Variants in PARP9 observed in about 807,000 individuals in gnomAD.
PARP9 encodes the protein poly(ADP-ribose) polymerase family member 9.
Under a neutral mutation model 68.8 loss-of-function variants are expected in PARP9, and 48 were observed. The observed-to-expected ratio is 0.70, with a 90% confidence interval of 0.55 to 0.89. The LOEUF (loss-of-function observed/expected upper bound fraction) is 0.89, where lower values mean the gene tolerates loss of function less well. PARP9 is among the 40% of genes least tolerant of loss of function. PARP9 has a pLI of 0.00. For missense variants in PARP9, 806 were observed against 969.3 expected (o/e 0.83, Z 2.24); for synonymous variants, 309 against 333.8 (o/e 0.93, Z 0.81).
intron 2 of PARP9, among the ~76,000 whole-genome samples, chr3:122,559,056 A>AG (rs1294032408): frequency 2.0e-5 from 3 of 151,914 alleles, no homozygotes. Context: ...GATGAGGTTT[A>AG]GAGATCAACA....
chr3:122,540,479 G>A lies in PARP9; in HGVS notation c.1758C>T (p.Arg586=), dbSNP rs2078117498. 6.2e-7 allele frequency: 1 copy of A among 1,612,414 alleles called. No individual in the cohort carries two copies. The highest frequency in any genetic ancestry group is 8.5e-7 in the Non-Finnish European group (1 of 1,179,134). The part of the protein sequence containing the change: ...MARKKERGLW[R]SLGQWTIQQQ... ...TGATAGAAAGTTACTCACCTAACGA[G>A]CGCCAAAGGCCTCGCTCCTTTTTCC... is the stretch of plus-strand genomic sequence containing the variant. Residue 586 remains arginine (R), a synonymous_variant, in exon 8 of 11, where the codon CGC becomes CGT. Coordinates refer to ENST00000682323, the MANE Select transcript of PARP9 (RefSeq NM_001146105.2).
chr3:122,551,378 C>T lies in PARP9; in HGVS notation c.1108-576G>A, dbSNP rs370399880. ...GACCAGTTTGGGATTAGAGAGCTCT[C>T]AAGAAGGGACCAGAAATGGTGAAGA... On this transcript the variant is annotated intron_variant, in intron 5 of 10. Transcript: ENST00000682323. Among the ~76,000 whole-genome samples the T allele has an allele frequency of 5.3e-5, 8 of 152,232 alleles. No homozygotes were observed. In the South Asian group the frequency reaches 1.2e-3, roughly 24 times the overall value.
chr3:122,560,755 T>C (rs562722686), intron 1 of PARP9, among the ~76,000 whole-genome samples: 3 of 152,316 alleles, frequency 2.0e-5, no homozygotes, highest in African/African-American at 7.2e-5. Flanking sequence ...AGCACTATTC[T>C]TACTCATCAA....
At chr3:122,545,513 A>G in intron 6 of PARP9, 24 bp from the exon 7 acceptor site, 1 of 1,613,442 alleles carries the variant, frequency 6.2e-7, no homozygotes, top group Non-Finnish European at 8.5e-7. Context: ...AACAGAGCAG[A>G]GAGTCATAAG....
chr3:122,562,156 C>CTCTTT (rs11276615), intron 1 of PARP9, among the ~76,000 whole-genome samples: 8,472 of 141,096 alleles, frequency 0.06, 401 homozygotes, highest in African/African-American at 0.11. Context: ...TGGCAATATA[C>CTCTTT]TCTTTTCTTT....
At chr3:122,561,018 C>A (rs1419120495) in intron 1 of PARP9, among the ~76,000 whole-genome samples, 2 of 152,220 alleles carry the variant, frequency 1.3e-5, no homozygotes, top group Non-Finnish European at 2.9e-5. Flanking sequence ...GAAAAGCCTT[C>A]CCAACTTTCC....
chr3:122,546,492 T>G (rs1194470108), intron 6 of PARP9, among the ~76,000 whole-genome samples: 12 of 152,250 alleles, frequency 7.9e-5, no homozygotes, highest in Non-Finnish European at 1.5e-5. Flanking sequence ...TAGGCTAAGC[T>G]ATAATGTTTG....
chr3:122,545,464 C>G lies in PARP9; in HGVS notation c.1352G>C (p.Arg451Thr). The G allele has an allele frequency of 5.0e-6, 8 of 1,614,176 alleles. No individual in the cohort carries two copies. Among genetic ancestry groups the G allele is most frequent in the Non-Finnish European group, 5.9e-6 (7 of 1,180,040 alleles). ...YKAFSSEMAK[R>T]SKMLSLNNYS... is the part of the protein sequence containing the mutation. Reference sequence around the variant, plus strand: ...ATTGTTCAAACTCAGCATCTTGGACCTCTTTGCCATTTCAGAACTGAAAGC... The same window carrying G: ...ATTGTTCAAACTCAGCATCTTGGACGTCTTTGCCATTTCAGAACTGAAAGC... The change falls in exon 7 of 11, where the codon AGG (arginine) becomes ACG (threonine). Residue 451 changes from arginine to threonine, a missense_variant. Around this residue, in one of 2 missense-constraint regions of PARP9, gnomAD observed 680 missense variants for 858.8 expected, o/e 0.79. Coordinates refer to ENST00000682323, the MANE Select transcript of PARP9 (RefSeq NM_001146105.2).
At position 122,539,507 on chromosome 3, in the gene PARP9, A is replaced by ATTCC. The variant is rs1553714534; in HGVS notation, c.1765+964_1765+965insGGAA. On this transcript the variant is annotated intron_variant, in intron 8 of 10. Coordinates refer to ENST00000682323, the MANE Select transcript of PARP9 (RefSeq NM_001146105.2). ...CTCTATCTCTATCTCCCAAGATGGC[A>ATTCC]TTTCTTTCTTTCTTTCTTTCTTTCT... Among the ~76,000 whole-genome samples the ATTCC allele has an allele frequency of 3.3e-3, 443 of 133,212 alleles. 5 individuals carry two copies. Among genetic ancestry groups the ATTCC allele is most frequent in the East Asian group, 0.02 (93 of 4,590 alleles). 87.4% of individuals were successfully genotyped at this position (133,212 alleles called of 152,430 possible). A position where few individuals can be genotyped will look rare whatever the true frequency, so the allele number is the denominator to read the frequency against.
intron 8 of PARP9, among the ~76,000 whole-genome samples, chr3:122,539,559 CTTTCTTTCTTTT>C (rs2077999334): frequency 1.2e-5 from 1 of 82,686 alleles, no homozygotes; most frequent in South Asian, 4.1e-4. Context: ...TTCTTTCTTT[CTTTCTTTCTTTT>C]TTTTTTGAGA....
intron 9 of PARP9, chr3:122,536,648 A>G: frequency 1.8e-6 from 1 of 540,578 alleles, no homozygotes; most frequent in African/African-American, 1.9e-5. Flanking sequence ...AACAATTATA[A>G]CACAGTGTGA....
intron 5 of PARP9, 118 bp downstream of exon 5, chr3:122,552,300 G>A: frequency 1.3e-6 from 1 of 753,564 alleles, no homozygotes. Context: ...TAAAAATTGA[G>A]AACTATACCA....
rs181755379 is a variant in PARP9, at chr3:122,536,163, C to A, written c.2080+5G>T. 3.1e-6 allele frequency: 5 copies of A among 1,614,112 alleles called. No individual in the cohort carries two copies. Among genetic ancestry groups the A allele is most frequent in the Non-Finnish European group, 4.2e-6 (5 of 1,180,006 alleles). ...TAGCCCCAATGATGAGGCATTGACA[C>A]CTACCGCAAGGTGTCGAGTACATTC... On this transcript the variant is annotated splice_donor_5th_base_variant and intron_variant, in intron 10 of 10. Coordinates refer to ENST00000682323, the MANE Select transcript of PARP9 (RefSeq NM_001146105.2).
rs546510190 is a variant in PARP9 at position 122,536,555 on chromosome 3, A to C, written c.1906-213T>G. On this transcript the variant is annotated intron_variant, in intron 9 of 10. Transcript: ENST00000682323. ...AAAATTCCCTGCCCCTTCTCTAATA[A>C]ATTCCTTTAACAAAAATTCACTGAC... 5.8e-5 allele frequency: 53 copies of C among 910,816 alleles called. No homozygotes were observed. The African/African-American group carries it at 8.6e-4, about 15-fold the overall frequency. The allele number at this position is 910,816 out of a possible 1,614,324, so 56.4% of individuals were successfully genotyped here.
rs1453407433 is a variant in PARP9 at position 122,550,606 on chromosome 3, G to C, written c.1304C>G (p.Pro435Arg). Residue 435 changes from proline (P) to arginine (R), a missense_variant, in exon 6 of 11, where the codon CCA becomes CGA. This residue lies in a region of PARP9 where 680 missense variants were observed against 858.8 expected (regional missense o/e 0.79). Coordinates refer to ENST00000682323, the MANE Select transcript of PARP9 (RefSeq NM_001146105.2). ...HQLTVKFVIF[P>R]TDLEIYKAFS... Reference sequence around the variant, plus strand: ...TACCTTATATATCTCCAAATCTGTTGGAAAGATCACAAATTTTACAGTTAA... The same window carrying C: ...TACCTTATATATCTCCAAATCTGTTCGAAAGATCACAAATTTTACAGTTAA... 1 of 1,611,820 alleles carries C rather than the reference G, an allele frequency of 6.2e-7. No individual in the cohort carries two copies. Among genetic ancestry groups the C allele is most frequent in the Admixed American group, 1.7e-5 (1 of 59,990 alleles).
intron 7 of PARP9, among the ~76,000 whole-genome samples, chr3:122,543,904 T>C (rs962452890): frequency 3.3e-5 from 5 of 152,234 alleles, no homozygotes. Context: ...AGCCGCCATG[T>C]CCCTTGATTA....
rs758053332 is a variant in PARP9, at chr3:122,540,748, C to T, written c.1489G>A (p.Ala497Thr). ...FNVEEMYEAH[A>T]WIQRILSLQN... ...AGACTCAGGATTCTTTGGATCCATG[C>T]GTGGGCCTCATACATCTCTTCCACG... The change falls in exon 8 of 11, where the codon GCA becomes ACA. Residue 497 changes from alanine (A) to threonine (T), a missense_variant. Ala to Thr is a moderately conservative substitution (Grantham distance 58). This residue lies in a region of PARP9 where 680 missense variants were observed against 858.8 expected (regional missense o/e 0.79). Transcript: ENST00000682323. 5.7e-5 allele frequency: 92 copies of T among 1,613,966 alleles called. No individual in the cohort carries two copies. Among genetic ancestry groups the T allele is most frequent in the African/African-American group, 9.3e-5 (7 of 74,920 alleles).
intron 7 of PARP9, among the ~76,000 whole-genome samples, chr3:122,545,075 A>G (rs1221979545): frequency 1.3e-5 from 2 of 152,174 alleles, no homozygotes; most frequent in Non-Finnish European, 2.9e-5. Flanking sequence ...GTTTTCCATA[A>G]TTACAATAAG....
chr3:122,535,634 C>T, intron 10 of PARP9: 1 of 985,404 alleles, frequency 1.0e-6, no homozygotes, highest in South Asian at 4.7e-5. Flanking sequence ...ATGGGAGTTA[C>T]ACATAGAACT....
Sources: gnomAD v4.1 joint callset for allele counts (sites outside exome capture counted in the v4.1 genomes callset) on GRCh38, gnomAD v4.1.1 for gene constraint, gnomAD v4.1.1 regional missense constraint, MANE v1.5 for transcripts, NCBI Gene and HGNC (gene_info 2026-07-23, HGNC 2026-07-21) for gene names.